The following MANBA variants were observed in gnomAD, a reference collection of about 807,000 sequenced individuals.
MANBA encodes beta-mannosidase.
In MANBA, 83 loss-of-function variants were observed where a neutral mutation model predicts 111.1. That is an observed-to-expected ratio of 0.75 (90% confidence interval 0.63 to 0.90). The LOEUF (loss-of-function observed/expected upper bound fraction) is 0.90. Ranked by LOEUF, MANBA falls within the 40% of genes least tolerant of loss-of-function variation. MANBA has a pLI of 0.00. For missense variants in MANBA, 1,036 were observed against 1,069.0 expected, an observed-to-expected ratio of 0.97 and a Z score of 0.43; for synonymous variants, 370 against 378.7, an observed-to-expected ratio of 0.98 and a Z score of 0.27.
chr4:102,730,735 A>C (rs1723003466), intron 1 of MANBA: 6 of 520,570 alleles, frequency 1.2e-5, no homozygotes, highest in Non-Finnish European at 2.3e-5. Context: ...ATGCTTCTTC[A>C]ACTGTCAGGT....
chr4:102,653,305 A>G (rs943827039), intron 12 of MANBA, among the ~76,000 whole-genome samples: 8 of 152,094 alleles, frequency 5.3e-5, no homozygotes, highest in African/African-American at 1.9e-4. Flanking sequence ...ACAGATGAGG[A>G]AACTGAAATT....
At chr4:102,676,851 A>G (rs1731749868) in intron 7 of MANBA, among the ~76,000 whole-genome samples, 1 of 152,236 alleles carries the variant, frequency 6.6e-6, no homozygotes, top group Non-Finnish European at 1.5e-5. Flanking sequence ...CCTTAGCAGG[A>G]ATCAAGGCAG....
At chr4:102,650,737 G>A (rs778089313) in intron 12 of MANBA, 36 bp from the exon 13 acceptor site, 3 of 1,572,694 alleles carry the variant, frequency 1.9e-6, no homozygotes, top group African/African-American at 2.7e-5. Context: ...AAATCTGAAA[G>A]TTGGCAGTAA....
chr4:102,704,729 A>T (rs1417755351), intron 5 of MANBA, among the ~76,000 whole-genome samples: 1 of 151,680 alleles, frequency 6.6e-6, no homozygotes. Context: ...TCTTCCAGAT[A>T]AAAATTGAAA....
chr4:102,664,705 T>G lies in MANBA; in HGVS notation c.1465A>C (p.Ile489Leu), dbSNP rs759559461. The G allele has an allele frequency of 2.5e-6, 4 of 1,613,160 alleles. No individual in the cohort carries two copies. The change falls in exon 11 of 17, where the codon ATC (isoleucine) becomes CTC (leucine). Residue 489 changes from isoleucine to leucine, a missense_variant. Coordinates refer to ENST00000647097, the MANE Select transcript of MANBA (RefSeq NM_005908.4). ...KDYVTLYVKNIRELVLAGDKS... is the reference protein window; with the variant it reads ...KDYVTLYVKNLRELVLAGDKS... ...CTTACTGCCAGTACGAGCTCTCTGA[T>G]GTTTTTCACATAGAGTGTCACATAG...
intron 5 of MANBA, among the ~76,000 whole-genome samples, chr4:102,709,197 G>A (rs1721901819): frequency 6.7e-6 from 1 of 148,758 alleles, no homozygotes; most frequent in South Asian, 2.1e-4. Flanking sequence ...GAGGAAAAAG[G>A]AAAAGGCAAG....
At chr4:102,691,868 T>C (rs932758685) in intron 5 of MANBA, among the ~76,000 whole-genome samples, 15 of 152,068 alleles carry the variant, frequency 9.9e-5, no homozygotes, top group African/African-American at 3.6e-4. Flanking sequence ...CTCAGCTAAG[T>C]ACAGAGGAAG....
chr4:102,649,685 G>C (rs915863783), intron 13 of MANBA, among the ~76,000 whole-genome samples: 1 of 151,974 alleles, frequency 6.6e-6, no homozygotes, highest in Non-Finnish European at 1.5e-5. Flanking sequence ...CCAATTTGTG[G>C]CTTGCCTTTT....
intron 5 of MANBA, among the ~76,000 whole-genome samples, chr4:102,709,994 C>A (rs1236928810): frequency 6.6e-6 from 1 of 152,084 alleles, no homozygotes; most frequent in East Asian, 1.9e-4. Flanking sequence ...ACAAATTAGT[C>A]ATAGAAGGAG....
chr4:102,681,532 A>G (rs556241825), intron 7 of MANBA: 1 of 152,302 alleles, frequency 6.6e-6, no homozygotes, highest in South Asian at 2.1e-4. Flanking sequence ...TAAAATATGC[A>G]CTTACCAAGC....
intron 2 of MANBA, among the ~76,000 whole-genome samples, chr4:102,725,475 G>C (rs1401851078): frequency 2.6e-5 from 4 of 152,102 alleles, no homozygotes; most frequent in Non-Finnish European, 5.9e-5. Context: ...AAATCCAAGG[G>C]GCAGAGAGGT....
chr4:102,661,980 G>A (rs73834890), intron 11 of MANBA, among the ~76,000 whole-genome samples: 1,717 of 152,194 alleles, frequency 0.011, 36 homozygotes, highest in African/African-American at 0.039. Flanking sequence ...TGGTTATGTA[G>A]CTTTTAATAC....
intron 5 of MANBA, among the ~76,000 whole-genome samples, chr4:102,694,866 C>T (rs28618363): frequency 0.028 from 4,232 of 152,036 alleles, 138 homozygotes; most frequent in African/African-American, 0.078. Flanking sequence ...TTGGTGTCCT[C>T]GCTGATGTCC....
chr4:102,642,623 A>G (rs1335670898), intron 13 of MANBA, among the ~76,000 whole-genome samples: 1 of 152,152 alleles, frequency 6.6e-6, no homozygotes, highest in African/African-American at 2.4e-5. Flanking sequence ...AAGAAAAGAA[A>G]AAAATGCCTA....
chr4:102,692,047 AG>A (rs1732500193), intron 5 of MANBA, among the ~76,000 whole-genome samples: 1 of 152,184 alleles, frequency 6.6e-6, no homozygotes, highest in Non-Finnish European at 1.5e-5. Context: ...CGAACAGGTA[AG>A]GAGTCTGGCA....
intron 4 of MANBA, among the ~76,000 whole-genome samples, chr4:102,720,192 T>C (rs1356457615): frequency 6.6e-6 from 1 of 152,036 alleles, no homozygotes; most frequent in African/African-American, 2.4e-5. Context: ...CCCAGCACTT[T>C]GGGAGGCCAA....
chr4:102,684,129 A>G (rs1732104160), intron 7 of MANBA, among the ~76,000 whole-genome samples: 1 of 152,162 alleles, frequency 6.6e-6, no homozygotes, highest in Non-Finnish European at 1.5e-5. Context: ...AAAATCCTAA[A>G]CACGTTTCTA....
At chr4:102,700,257 T>G (rs1361518632) in intron 5 of MANBA, among the ~76,000 whole-genome samples, 1 of 152,226 alleles carries the variant, frequency 6.6e-6, no homozygotes, top group Non-Finnish European at 1.5e-5. Context: ...CTTTTTTTCT[T>G]TATTAGTCTT....
intron 11 of MANBA, among the ~76,000 whole-genome samples, chr4:102,663,663 A>G (rs1375026973): frequency 6.6e-6 from 1 of 152,234 alleles, no homozygotes; most frequent in Admixed American, 6.5e-5. Context: ...CTAATATCAC[A>G]TACTATTTTA....
Sources: gnomAD v4.1 joint callset for allele counts (sites outside exome capture counted in the v4.1 genomes callset) on GRCh38, gnomAD v4.1.1 for gene constraint, MANE v1.5 for transcripts, NCBI Gene and HGNC (gene_info 2026-07-23, HGNC 2026-07-21) for gene names.